DSCAML1: variants seen among roughly 807,000 people sequenced by gnomAD.
The protein encoded by DSCAML1 is DS cell adhesion molecule like 1, also known as cell adhesion molecule DSCAML1.
Under a neutral mutation model 200.5 loss-of-function variants are expected in DSCAML1, and 38 were observed. That is an observed-to-expected ratio of 0.19 (90% confidence interval 0.15 to 0.25). The LOEUF (loss-of-function observed/expected upper bound fraction) is 0.25. DSCAML1 is among the 10% of genes least tolerant of loss of function. The pLI is 1.00. For synonymous variants in DSCAML1, 1,215 were observed against 1,165.0 expected (o/e 1.04, Z -0.87); for missense variants, 2,223 against 2,858.8 (o/e 0.78, Z 5.07).
At chr11:117,746,977 C>G (rs911683210) in intron 3 of DSCAML1, among the ~76,000 whole-genome samples, 1 of 152,174 alleles carries the variant, frequency 6.6e-6, no homozygotes, top group Non-Finnish European at 1.5e-5. Context: ...TGTCCTGCCT[C>G]TGGACAGCGG....
intron 19 of DSCAML1, among the ~76,000 whole-genome samples, chr11:117,452,911 T>C (rs1020948125): frequency 2.6e-5 from 4 of 152,152 alleles, no homozygotes; most frequent in Non-Finnish European, 5.9e-5. Context: ...ACCTTGCCAT[T>C]GTTGTGTATC....
chr11:117,515,984 G>A (rs2049757812), intron 8 of DSCAML1, among the ~76,000 whole-genome samples: 1 of 152,156 alleles, frequency 6.6e-6, no homozygotes, highest in Non-Finnish European at 1.5e-5. Context: ...GCAGGTGGAA[G>A]GGTGTTCCCA....
chr11:117,513,230 G>A (rs923773258), intron 8 of DSCAML1, among the ~76,000 whole-genome samples: 1 of 152,174 alleles, frequency 6.6e-6, no homozygotes, highest in African/African-American at 2.4e-5. Flanking sequence ...ATTTGTCCCA[G>A]ATGACAGGGG....
At chr11:117,539,098 T>C (rs554735248) in intron 3 of DSCAML1, among the ~76,000 whole-genome samples, 10 of 152,326 alleles carry the variant, frequency 6.6e-5, no homozygotes, top group East Asian at 5.8e-4. Flanking sequence ...CCAGAATGAA[T>C]GCACGAAGAA....
intron 3 of DSCAML1, among the ~76,000 whole-genome samples, chr11:117,656,433 T>A (rs940123165): frequency 2.0e-4 from 30 of 152,200 alleles, no homozygotes; most frequent in African/African-American, 7.2e-4. Context: ...AGGGTGATGA[T>A]GGAAAGACTT....
intron 19 of DSCAML1, among the ~76,000 whole-genome samples, chr11:117,458,293 C>T (rs1350227068): frequency 6.6e-6 from 1 of 152,210 alleles, no homozygotes; most frequent in Non-Finnish European, 1.5e-5. Flanking sequence ...AGGCACACCC[C>T]CATCCCTGCC....
intron 3 of DSCAML1, among the ~76,000 whole-genome samples, chr11:117,674,906 A>G (rs1215868189): frequency 2.0e-5 from 3 of 152,178 alleles, no homozygotes; most frequent in Non-Finnish European, 4.4e-5. Context: ...TAGGGATCCT[A>G]AGAACCACAT....
At chr11:117,728,628 C>T (rs946800898) in intron 3 of DSCAML1, among the ~76,000 whole-genome samples, 16 of 152,262 alleles carry the variant, frequency 1.1e-4, no homozygotes, top group African/African-American at 2.6e-4. Context: ...AAATCTATTG[C>T]ATTTCTATAT....
intron 3 of DSCAML1, among the ~76,000 whole-genome samples, chr11:117,742,947 C>T (rs1443453881): frequency 6.6e-6 from 1 of 152,078 alleles, no homozygotes; most frequent in Non-Finnish European, 1.5e-5. Context: ...GTGGCCTCTC[C>T]CTGTCTCCCA....
At chr11:117,617,334 G>A (rs1158084758) in intron 3 of DSCAML1, among the ~76,000 whole-genome samples, 2 of 152,204 alleles carry the variant, frequency 1.3e-5, no homozygotes, top group Non-Finnish European at 2.9e-5. Context: ...TGGCCCAGGA[G>A]TTTCTGGCCA....
chr11:117,522,994 C>G (rs1477398717), intron 5 of DSCAML1, among the ~76,000 whole-genome samples: 1 of 152,106 alleles, frequency 6.6e-6, no homozygotes. Flanking sequence ...GTGTACACAT[C>G]TGGAAGTGGT....
intron 3 of DSCAML1, among the ~76,000 whole-genome samples, chr11:117,631,952 G>A (rs543141520): frequency 1.3e-5 from 2 of 152,214 alleles, no homozygotes; most frequent in African/African-American, 4.8e-5. Flanking sequence ...GGTCTTAGAG[G>A]AGCGGCAAAG....
At chr11:117,475,798 C>T (rs540469) in intron 14 of DSCAML1, among the ~76,000 whole-genome samples, 113,819 of 151,734 alleles carry the variant, frequency 0.75, 43,971 homozygotes, top group African/African-American at 0.92. Flanking sequence ...TCCTTTTTTT[C>T]TTCTGCGTTT....
chr11:117,651,145 G>A (rs1167000675), intron 3 of DSCAML1, among the ~76,000 whole-genome samples: 2 of 152,270 alleles, frequency 1.3e-5, no homozygotes, highest in African/African-American at 2.4e-5. Context: ...AATCCAGGGC[G>A]CTTTGCTCTT....
Position 117,431,574 on chromosome 11 carries a change from A to C in DSCAML1, c.5334T>G (p.Thr1778=), listed in dbSNP as rs750765158. Residue 1778 remains threonine (T), a synonymous_variant, in exon 31 of 33, where the codon ACT becomes ACG. Coordinates refer to ENST00000651296, the MANE Select transcript of DSCAML1 (RefSeq NM_020693.4). The part of the protein sequence containing the change: ...TVGSQHGVTV[T]ESDSYSASLS... ...GGCTGGCACTGTAGCTGTCACTCTC[A>C]GTGACCGTGACACCATGCTGGGAGC... 6.2e-7 allele frequency: 1 copy of C among 1,607,010 alleles called. No homozygotes were observed. Among genetic ancestry groups the C allele is most frequent in the East Asian group, 2.2e-5 (1 of 44,758 alleles).
rs115426523 is a variant in DSCAML1, at chr11:117,652,483, A to G, written c.512-119961T>C. 2.2e-3 allele frequency among the ~76,000 whole-genome samples: 340 copies of G among 152,312 alleles called. 1 individual carries two copies. Among genetic ancestry groups the G allele is most frequent in the African/African-American group, 7.6e-3 (316 of 41,570 alleles). Reference sequence around the variant, plus strand: ...GTCACCTCCCCATCTGGGACTGCAGAGATGGATGCAAGACCTGCTCCACCT... The same window carrying G: ...GTCACCTCCCCATCTGGGACTGCAGGGATGGATGCAAGACCTGCTCCACCT... On this transcript the variant is annotated intron_variant, in intron 3 of 32. Coordinates refer to ENST00000651296, the MANE Select transcript of DSCAML1 (RefSeq NM_020693.4).
chr11:117,453,746 CTTTTTTT>C (rs138176049), intron 19 of DSCAML1, among the ~76,000 whole-genome samples: 1 of 138,182 alleles, frequency 7.2e-6, no homozygotes, highest in African/African-American at 2.8e-5. Flanking sequence ...TTCTTTCTTT[CTTTTTTT>C]TTTTTTTTTG....
chr11:117,585,513 T>C (rs946501506), intron 3 of DSCAML1, among the ~76,000 whole-genome samples: 3 of 152,226 alleles, frequency 2.0e-5, no homozygotes, highest in African/African-American at 4.8e-5. Context: ...TCCGAAGTGC[T>C]GGGATTACAG....
At chr11:117,638,303 C>A (rs78871180) in intron 3 of DSCAML1, among the ~76,000 whole-genome samples, 2,049 of 146,752 alleles carry the variant, frequency 0.014, 60 homozygotes, top group African/African-American at 0.048. Context: ...CCTAGTTCCA[C>A]ACAAGATAGC....
Sources: gnomAD v4.1 joint callset for allele counts (sites outside exome capture counted in the v4.1 genomes callset) on GRCh38, gnomAD v4.1.1 for gene constraint, MANE v1.5 for transcripts, NCBI Gene and HGNC (gene_info 2026-07-23, HGNC 2026-07-21) for gene names.